ADAM12: variants seen among roughly 807,000 people sequenced by gnomAD.
ADAM12 encodes the protein ADAM metallopeptidase domain 12, also known as disintegrin and metalloproteinase domain-containing protein 12.
ADAM12 carries 70 observed loss-of-function variants against 106.4 expected under a neutral mutation model. That is an observed-to-expected ratio of 0.66 (90% confidence interval 0.54 to 0.80). The LOEUF is 0.80. Ranked by LOEUF, ADAM12 falls within the 30% of genes least tolerant of loss-of-function variation. The probability of loss-of-function intolerance (pLI) is 0.00; values close to 1 mark genes in which losing one functional copy is unlikely to be tolerated. For missense variants in ADAM12, 1,010 were observed against 1,171.9 expected, an observed-to-expected ratio of 0.86 and a Z score of 2.02; for synonymous variants, 420 against 433.5, an observed-to-expected ratio of 0.97 and a Z score of 0.39.
At chr10:126,120,488 G>T (rs1292482743) in intron 5 of ADAM12, among the ~76,000 whole-genome samples, 1 of 152,138 alleles carries the variant, frequency 6.6e-6, no homozygotes, top group Non-Finnish European at 1.5e-5. Flanking sequence ...ACAGACAACG[G>T]TTTATGACAA....
At position 126,043,277 on chromosome 10, in the gene ADAM12, G is replaced by T; in HGVS notation, c.1996-129C>A. Reference sequence around the variant, plus strand: ...CACAGCCAGACTCAGCACACGCCATGGTGCGAATAAGCCCAAAGCCGGCAC... The same window carrying T: ...CACAGCCAGACTCAGCACACGCCATTGTGCGAATAAGCCCAAAGCCGGCAC... On this transcript the variant is annotated intron_variant, in intron 17 of 22. Coordinates refer to ENST00000448723, the MANE Select transcript of ADAM12 (RefSeq NM_001288973.2). This position sits in a 1 kb window ranked among gnomAD's most constrained non-coding sequence, Gnocchi z 4.1. 1 of 860,822 alleles carries T rather than the reference G, an allele frequency of 1.2e-6. No individual in the cohort carries two copies. The highest frequency in any genetic ancestry group is 1.8e-6 in the Non-Finnish European group (1 of 555,824). 53.3% of individuals were successfully genotyped at this position (860,822 alleles called of 1,614,324 possible). A position where few individuals can be genotyped will look rare whatever the true frequency, so the allele number is the denominator to read the frequency against.
rs145208224 is a variant in ADAM12 at position 126,080,891 on chromosome 10, G to A, written c.1146-9237C>T. On this transcript the variant is annotated intron_variant, in intron 11 of 22. Transcript: ENST00000448723. The stretch of plus-strand genomic sequence containing the variant: ...TTTTACTTTGAAAAATCTGCAGTCA[G>A]AAGGTTCTTTTCTTGTAGGAGCCTA... Among the ~76,000 whole-genome samples, 1,519 of 152,296 alleles carry A rather than the reference G, an allele frequency of 1.0e-2. 23 individuals carry two copies. The highest frequency in any genetic ancestry group is 0.014 in the Non-Finnish European group (929 of 68,018).
At chr10:126,293,570 G>A (rs1960245465) in intron 2 of ADAM12, among the ~76,000 whole-genome samples, 1 of 152,150 alleles carries the variant, frequency 6.6e-6, no homozygotes, top group South Asian at 2.1e-4. Context: ...CCAGACTGGA[G>A]TGCAGTGGTG....
In ADAM12 at chr10:126,131,979, GTT is replaced by G. The variant is rs200265672; in HGVS notation, c.416+3603_416+3604del. On this transcript the variant is annotated intron_variant, in intron 5 of 22. Transcript: ENST00000448723. ...TTTCTTTAAGTCAGTTTGAATTCGT[GTT>G]TTTTTTTTTTTTTTAGTTGGAGTCT... is the stretch of plus-strand genomic sequence containing the variant. 4.2e-3 allele frequency among the ~76,000 whole-genome samples: 589 copies of G among 141,848 alleles called. 3 individuals are homozygous for G. The highest frequency in any genetic ancestry group is 0.012 in the African/African-American group (468 of 38,544). The allele number at this position is 141,848 out of a possible 152,430, so 93.1% of individuals were successfully genotyped here. A position where few individuals can be genotyped will look rare whatever the true frequency, so the allele number is the denominator to read the frequency against.
At chr10:126,262,943 A>G (rs1959029818) in intron 3 of ADAM12, among the ~76,000 whole-genome samples, 1 of 152,190 alleles carries the variant, frequency 6.6e-6, no homozygotes, top group African/African-American at 2.4e-5. Context: ...AATCTCAGAC[A>G]TTTAAATCTC....
At chr10:126,270,612 A>G (rs970722447) in intron 3 of ADAM12, among the ~76,000 whole-genome samples, 2 of 152,232 alleles carry the variant, frequency 1.3e-5, no homozygotes, top group African/African-American at 2.4e-5. Flanking sequence ...TGTGTTAAAA[A>G]TATAGACCCT....
chr10:126,039,506 T>A (rs1172739598), intron 18 of ADAM12, 77 bp from the exon 19 acceptor site: 6 of 1,570,572 alleles, frequency 3.8e-6, no homozygotes, highest in South Asian at 1.1e-5. Context: ...GTGACGTTTA[T>A]GGCAAAGTGA....
At chr10:126,128,291 G>C (rs766103384) in intron 5 of ADAM12, among the ~76,000 whole-genome samples, 14 of 152,114 alleles carry the variant, frequency 9.2e-5, no homozygotes, top group Non-Finnish European at 1.5e-4. Context: ...TGGTGATATG[G>C]GGATGGGGCA....
intron 2 of ADAM12, among the ~76,000 whole-genome samples, chr10:126,317,368 C>T (rs1488915734): frequency 6.6e-6 from 1 of 152,204 alleles, no homozygotes; most frequent in African/African-American, 2.4e-5. Flanking sequence ...AATCTTTAAA[C>T]AATATGCTTG....
intron 2 of ADAM12, among the ~76,000 whole-genome samples, chr10:126,325,371 G>A (rs111628264): frequency 2.6e-5 from 4 of 152,224 alleles, no homozygotes; most frequent in Admixed American, 6.5e-5. Flanking sequence ...CAGTGAATGC[G>A]GATCACCTTT....
At chr10:126,031,196 C>G (rs1254927185) in intron 21 of ADAM12, among the ~76,000 whole-genome samples, 1 of 152,228 alleles carries the variant, frequency 6.6e-6, no homozygotes, top group Non-Finnish European at 1.5e-5. Context: ...TGTGTAGCAA[C>G]AGAAGCTCTC....
rs565488636 is a variant in ADAM12, at chr10:126,059,601, C to T, written c.1609+5205G>A. On this transcript the variant is annotated intron_variant, in intron 14 of 22. Coordinates refer to ENST00000448723, the MANE Select transcript of ADAM12 (RefSeq NM_001288973.2). ...CTGCCCCAAGTGGGTCACAATAAACCAAGCTCATGTAAACCAGATTTGCAA... is the reference window on the plus strand; with the variant it reads ...CTGCCCCAAGTGGGTCACAATAAACTAAGCTCATGTAAACCAGATTTGCAA... 1.5e-4 allele frequency among the ~76,000 whole-genome samples: 23 copies of T among 152,290 alleles called. No individual in the cohort carries two copies. The South Asian group carries it at 2.3e-3, about 15-fold the overall frequency.
chr10:126,113,731 T>TATATATATATATAA (rs1176475501), intron 6 of ADAM12, among the ~76,000 whole-genome samples: 3 of 25,956 alleles, frequency 1.2e-4, no homozygotes, highest in African/African-American at 4.9e-4. Context: ...TATATATATA[T>TATATATATATATAA]AATATATTGC....
At chr10:126,380,161 C>T (rs1472628934) in intron 1 of ADAM12, among the ~76,000 whole-genome samples, 4 of 152,076 alleles carry the variant, frequency 2.6e-5, no homozygotes, top group African/African-American at 9.7e-5. Flanking sequence ...CATCTATCAA[C>T]TGGAGGCAAG....
intron 3 of ADAM12, among the ~76,000 whole-genome samples, chr10:126,228,779 C>T (rs1346617115): frequency 1.3e-5 from 2 of 152,152 alleles, no homozygotes; most frequent in Non-Finnish European, 2.9e-5. Flanking sequence ...GCCAGGCCTC[C>T]CACCCATGTA....
At chr10:126,211,441 G>T (rs1303153319) in intron 3 of ADAM12, among the ~76,000 whole-genome samples, 2 of 152,208 alleles carry the variant, frequency 1.3e-5, no homozygotes, top group East Asian at 3.9e-4. Flanking sequence ...AAAGGAGAAA[G>T]AACTTAAGAA....
chr10:126,071,402 C>A, intron 12 of ADAM12, 75 bp downstream of exon 12: 1 of 1,545,912 alleles, frequency 6.5e-7, no homozygotes. Context: ...CTGTACAGTT[C>A]CTCCAAGTTC....
At chr10:126,256,266 A>G (rs1958890776) in intron 3 of ADAM12, among the ~76,000 whole-genome samples, 1 of 152,196 alleles carries the variant, frequency 6.6e-6, no homozygotes, top group Non-Finnish European at 1.5e-5. Context: ...ATGGGTAAAC[A>G]TGAATGCAGA....
At chr10:126,385,560 T>C (rs982300963) in intron 1 of ADAM12, among the ~76,000 whole-genome samples, 1 of 152,030 alleles carries the variant, frequency 6.6e-6, no homozygotes, top group East Asian at 1.9e-4. Context: ...TCATTAACTC[T>C]AGGAAAAGCA....
Sources: allele counts gnomAD v4.1 joint callset (sites outside exome capture counted in the v4.1 genomes callset), GRCh38; gene constraint gnomAD v4.1.1; non-coding constraint Gnocchi (gnomAD v3.1); transcripts MANE v1.5; gene names NCBI Gene and HGNC (gene_info 2026-07-23, HGNC 2026-07-21).